DAB1: variants seen among roughly 807,000 people sequenced by gnomAD.
The protein encoded by DAB1 is DAB adaptor protein 1.
In DAB1, 15 loss-of-function variants were observed where a neutral mutation model predicts 64.6. The ratio of observed to expected loss-of-function variants is 0.23; its 90% CI spans 0.16 to 0.36. The LOEUF is 0.36. Among genes scored for constraint, DAB1 ranks in the 10% least tolerant of loss-of-function variants. The pLI, the probability that DAB1 is intolerant of heterozygous loss-of-function variation, is 1.00. For synonymous variants in DAB1, 235 were observed against 251.9 expected (o/e 0.93, Z 0.64); for missense variants, 596 against 706.7 (o/e 0.84, Z 1.78).
chr1:57,761,707 C>T (rs137952111), intron 6 of DAB1, among the ~76,000 whole-genome samples: 56 of 152,354 alleles, frequency 3.7e-4, no homozygotes, highest in African/African-American at 1.3e-3. Context: ...CTCTACACAA[C>T]GGACCAGAGT....
chr1:57,052,353 G>A (rs1649279899), intron 9 of DAB1, among the ~76,000 whole-genome samples: 1 of 152,070 alleles, frequency 6.6e-6, no homozygotes, highest in Non-Finnish European at 1.5e-5. Flanking sequence ...TTTCTCCCAG[G>A]ATATCTCCTT....
chr1:57,183,980 C>T (rs1272877478), intron 2 of DAB1, among the ~76,000 whole-genome samples: 1 of 152,042 alleles, frequency 6.6e-6, no homozygotes, highest in Non-Finnish European at 1.5e-5. Context: ...GGGGAGGGGA[C>T]TTAGCTAATA....
intron 6 of DAB1, among the ~76,000 whole-genome samples, chr1:57,805,393 G>T (rs1651314861): frequency 6.6e-6 from 1 of 152,148 alleles, no homozygotes; most frequent in Admixed American, 6.5e-5. Context: ...TTTATTGAGA[G>T]ACCTTTATAT....
chr1:58,253,000 A>T (rs1260478994), intron 4 of DAB1, among the ~76,000 whole-genome samples: 1 of 152,214 alleles, frequency 6.6e-6, no homozygotes, highest in South Asian at 2.1e-4. Context: ...TTAAATGTTA[A>T]GTGGTCATAG....
At chr1:58,497,677 A>G (rs1645826551) in intron 3 of DAB1, among the ~76,000 whole-genome samples, 1 of 152,196 alleles carries the variant, frequency 6.6e-6, no homozygotes, top group African/African-American at 2.4e-5. Flanking sequence ...CTAATTTGCA[A>G]GTATGTCTCC....
intron 5 of DAB1, among the ~76,000 whole-genome samples, chr1:58,063,278 G>A (rs1055971791): frequency 6.6e-6 from 1 of 152,160 alleles, no homozygotes; most frequent in Non-Finnish European, 1.5e-5. Flanking sequence ...TACAATAACT[G>A]AAGAGGGGTG....
intron 6 of DAB1, among the ~76,000 whole-genome samples, chr1:57,798,120 A>G (rs1248108226): frequency 6.6e-6 from 1 of 152,154 alleles, no homozygotes; most frequent in African/African-American, 2.4e-5. Flanking sequence ...GCAATGAGTG[A>G]CAGATTCAAT....
intron 2 of DAB1, among the ~76,000 whole-genome samples, chr1:57,215,670 C>T (rs866471088): frequency 1.3e-5 from 2 of 152,206 alleles, no homozygotes; most frequent in African/African-American, 2.4e-5. Flanking sequence ...CATCCCACTT[C>T]GAATGGAAAC....
intron 1 of DAB1, among the ~76,000 whole-genome samples, chr1:57,869,973 C>T (rs1287102401): frequency 1.3e-5 from 2 of 152,018 alleles, no homozygotes; most frequent in East Asian, 1.9e-4. Flanking sequence ...AAGTTCTTCC[C>T]GGACTATGTC....
At chr1:57,734,154 A>G (rs1176866246) in intron 6 of DAB1, among the ~76,000 whole-genome samples, 1 of 152,174 alleles carries the variant, frequency 6.6e-6, no homozygotes, top group Non-Finnish European at 1.5e-5. Context: ...TTTGTTCACA[A>G]ACTTTGTGTA....
At chr1:57,060,645 A>C (rs1650294576) in intron 9 of DAB1, among the ~76,000 whole-genome samples, 1 of 152,108 alleles carries the variant, frequency 6.6e-6, no homozygotes, top group African/African-American at 2.4e-5. Context: ...GAAAGTCCAG[A>C]AAGTCCCCCT....
Position 57,596,969 on chromosome 1 carries a change from A to T in DAB1, n.625+52623T>A, listed in dbSNP as rs576275758. 2.6e-5 allele frequency among the ~76,000 whole-genome samples: 4 copies of T among 152,022 alleles called. No homozygotes were observed. The East Asian group carries it at 7.7e-4, about 29-fold the overall frequency. On this transcript the variant is annotated intron_variant and non_coding_transcript_variant, in intron 7 of 20. Coordinates refer to the DAB1 transcript ENST00000485760. ...ACCATTTTTTTGCTGGCTTCTATGA[A>T]CTCTCTGGGATGAGAGAATTGGTTT...
chr1:57,052,466 T>A (rs1449319769), intron 9 of DAB1, among the ~76,000 whole-genome samples: 1 of 152,168 alleles, frequency 6.6e-6, no homozygotes, highest in African/African-American at 2.4e-5. Context: ...CTGATGCTTG[T>A]TCAGTGAGGC....
At chr1:57,593,875 C>T (rs1266353309) in intron 7 of DAB1, among the ~76,000 whole-genome samples, 1 of 152,182 alleles carries the variant, frequency 6.6e-6, no homozygotes, top group Non-Finnish European at 1.5e-5. Context: ...ATGCCATATT[C>T]CCAAAAGTTC....
rs1461020980 is a variant in DAB1 at position 58,247,264 on chromosome 1, C to CCG, written n.309+96087_309+96088insCG. 2.5e-5 allele frequency among the ~76,000 whole-genome samples: 3 copies of CCG among 117,910 alleles called. No individual in the cohort carries two copies. The East Asian group carries it at 8.9e-4, about 35-fold the overall frequency. The allele number at this position is 117,910 out of a possible 152,430, so 77.4% of individuals were successfully genotyped here. The stretch of plus-strand genomic sequence containing the variant: ...TTACTATTCATTTTTCATTTCCCCC[C>CCG]CCGCCAGGTTAAATAAATAAATAAA... On this transcript the variant is annotated intron_variant and non_coding_transcript_variant, in intron 4 of 20. Transcript: ENST00000485760.
chr1:57,627,694 T>C (rs17116136), intron 7 of DAB1, among the ~76,000 whole-genome samples: 3,268 of 152,320 alleles, frequency 0.021, 118 homozygotes, highest in African/African-American at 0.075. Context: ...CCAGGTCTTA[T>C]AATGACTAAG....
chr1:58,141,705 A>G (rs372997912), intron 5 of DAB1, among the ~76,000 whole-genome samples: 27 of 152,308 alleles, frequency 1.8e-4, no homozygotes, highest in African/African-American at 6.0e-4. Context: ...AAATACCCAA[A>G]CTACGTCATT....
intron 1 of DAB1, among the ~76,000 whole-genome samples, chr1:57,869,509 C>A (rs749538166): frequency 6.6e-6 from 1 of 152,012 alleles, no homozygotes; most frequent in Non-Finnish European, 1.5e-5. Flanking sequence ...GGAGAAGAAG[C>A]CTACTCTGAG....
chr1:57,272,948 G>A (rs1671129503), intron 2 of DAB1, among the ~76,000 whole-genome samples: 1 of 152,156 alleles, frequency 6.6e-6, no homozygotes. Context: ...TCCCTCTTGG[G>A]CTATCAATGT....
Sources: gnomAD v4.1 joint callset for allele counts (sites outside exome capture counted in the v4.1 genomes callset) on GRCh38, gnomAD v4.1.1 for gene constraint, MANE v1.5 for transcripts, NCBI Gene and HGNC (gene_info 2026-07-23, HGNC 2026-07-21) for gene names.